MMP2: variants seen among roughly 807,000 people sequenced by gnomAD.
MMP2 encodes the protein matrix metallopeptidase 2, also known as 72 kDa type IV collagenase.
MMP2 carries 39 observed loss-of-function variants against 74.8 expected under a neutral mutation model. The ratio of observed to expected loss-of-function variants is 0.52; its 90% CI spans 0.40 to 0.68. The LOEUF is 0.68. Among genes scored for constraint, MMP2 ranks in the 30% least tolerant of loss-of-function variants. MMP2 has a pLI of 0.00. For synonymous variants in MMP2, 367 were observed against 339.8 expected, an observed-to-expected ratio of 1.08 and a Z score of -0.88; for missense variants, 803 against 878.3, an observed-to-expected ratio of 0.91 and a Z score of 1.08.
At position 55,491,851 on chromosome 16, in the gene MMP2, C is replaced by T. The variant is rs1962413262; in HGVS notation, c.1231C>T (p.Leu411=). The change falls in exon 8 of 13, where the codon CTG becomes TTG. Residue 411 remains leucine, a synonymous_variant. Coordinates refer to ENST00000219070, the MANE Select transcript of MMP2 (RefSeq NM_004530.6). ...AAHEFGHAMG[L]EHSQDPGALM... ...CCACGAGTTTGGCCACGCCATGGGG[C>T]TGGAGCACTCCCAAGACCCTGGGGC... is the stretch of plus-strand genomic sequence containing the variant. 6.2e-7 allele frequency: 1 copy of T among 1,614,210 alleles called. No individual in the cohort carries two copies. The highest frequency in any genetic ancestry group is 8.5e-7 in the Non-Finnish European group (1 of 1,180,036).
rs186685774 is a variant in MMP2 at position 55,503,852 on chromosome 16, C to T, written c.1879+964C>T. On this transcript the variant is annotated intron_variant, in intron 12 of 12. Coordinates refer to ENST00000219070, the MANE Select transcript of MMP2 (RefSeq NM_004530.6). ...CTTCTCACCTTCAGATAATTATTGG[C>T]GGGCAAGATTAGGGGCCTAGGCAGC... is the stretch of plus-strand genomic sequence containing the variant. Among the ~76,000 whole-genome samples the T allele has an allele frequency of 1.1e-4, 16 of 152,148 alleles. No homozygotes were observed. In the East Asian group the frequency reaches 2.3e-3, roughly 22 times the overall value.
At chr16:55,479,794 T>C (rs1281231494) in intron 1 of MMP2, among the ~76,000 whole-genome samples, 162 bp downstream of exon 1, 2 of 151,950 alleles carry the variant, frequency 1.3e-5, no homozygotes, top group Non-Finnish European at 2.9e-5. Flanking sequence ...GAGTGATCTC[T>C]TGCAAACGGT....
intron 1 of MMP2, chr16:55,481,883 G>A (rs1434584291): frequency 2.6e-6 from 2 of 759,194 alleles, no homozygotes; most frequent in Non-Finnish European, 4.9e-6. Flanking sequence ...CACATGGTAA[G>A]TACTCAATAA....
chr16:55,493,807 A>G lies in MMP2; in HGVS notation c.1472+514A>G, dbSNP rs184286009. Among the ~76,000 whole-genome samples the G allele has an allele frequency of 4.0e-4, 61 of 152,346 alleles. 1 individual carries two copies. Among genetic ancestry groups the G allele is most frequent in the African/African-American group, 1.4e-3 (59 of 41,578 alleles). On this transcript the variant is annotated intron_variant, in intron 9 of 12. Coordinates refer to ENST00000219070, the MANE Select transcript of MMP2 (RefSeq NM_004530.6). ...AGAATTGGGAACCATAATTCAGTCT[A>G]CCACAGGCCTTCTAGAATGGCGTTG...
intron 2 of MMP2, among the ~76,000 whole-genome samples, chr16:55,483,660 G>T (rs1283563807): frequency 6.6e-6 from 1 of 152,064 alleles, no homozygotes; most frequent in Non-Finnish European, 1.5e-5. Context: ...TTTGCCCTGT[G>T]CCCCATAATG....
chr16:55,492,099 A>G (rs1180709834), intron 8 of MMP2, 143 bp downstream of exon 8: 7 of 789,140 alleles, frequency 8.9e-6, no homozygotes, highest in Non-Finnish European at 1.4e-5. Flanking sequence ...GGGAGTGTTG[A>G]CCTGGTCTTG....
intron 1 of MMP2, chr16:55,481,978 CGT>C: frequency 1.7e-6 from 1 of 571,630 alleles, no homozygotes. Flanking sequence ...AGGCTAGGAC[CGT>C]TGTCAGAAGA....
At chr16:55,485,145 T>C (rs1280468366) in intron 3 of MMP2, among the ~76,000 whole-genome samples, 154 bp from the exon 4 acceptor site, 1 of 152,076 alleles carries the variant, frequency 6.6e-6, no homozygotes, top group Non-Finnish European at 1.5e-5. Context: ...AGATCTCTAC[T>C]GAGCTCCTGT....
intron 7 of MMP2, 64 bp from the exon 8 acceptor site, chr16:55,491,737 G>C: frequency 3.1e-6 from 5 of 1,590,346 alleles, no homozygotes; most frequent in Non-Finnish European, 4.3e-6. Flanking sequence ...ACTGGGTCAG[G>C]TCTTGACTTC....
intron 9 of MMP2, among the ~76,000 whole-genome samples, chr16:55,494,325 C>T (rs1288350691): frequency 6.6e-6 from 1 of 152,224 alleles, no homozygotes; most frequent in African/African-American, 2.4e-5. Context: ...ATATTCCAAC[C>T]TATCTCCTAG....
rs759171371 is a variant in MMP2 at position 55,489,680 on chromosome 16, G to A, written c.1036G>A (p.Gly346Ser). The A allele has an allele frequency of 1.2e-6, 2 of 1,614,200 alleles. No homozygotes were observed. The highest frequency in any genetic ancestry group is 1.7e-6 in the Non-Finnish European group (2 of 1,180,044). Reference sequence around the variant, plus strand: ...GTCCACTGTTGGTGGGAACTCAGAAGGTGCCCCCTGTGTCTTCCCCTTCAC... The same window carrying A: ...GTCCACTGTTGGTGGGAACTCAGAAAGTGCCCCCTGTGTCTTCCCCTTCAC... Reference protein sequence around the residue: ...AMSTVGGNSEGAPCVFPFTFL... With the variant: ...AMSTVGGNSESAPCVFPFTFL... The change falls in exon 7 of 13, where the codon GGT (glycine) becomes AGT (serine). Residue 346 changes from glycine (G) to serine (S), a missense_variant. By Grantham distance (56) the Gly-to-Ser change is moderately conservative (BLOSUM62 0). This residue lies in a region of MMP2 where 555 missense variants were observed against 592.0 expected (regional missense o/e 0.94). Transcript: ENST00000219070.
At chr16:55,502,999 G>A (rs748986351) in intron 12 of MMP2, 111 bp downstream of exon 12, 21 of 873,942 alleles carry the variant, frequency 2.4e-5, no homozygotes, top group East Asian at 1.3e-4. Flanking sequence ...GGCAGGCGGC[G>A]CCCAGGAAAA....
chr16:55,504,168 A>C (rs1962738502), intron 12 of MMP2, among the ~76,000 whole-genome samples: 1 of 151,930 alleles, frequency 6.6e-6, no homozygotes, highest in Non-Finnish European at 1.5e-5. Flanking sequence ...AAAAAAAAAG[A>C]ATGGGGCCTG....
In MMP2 at chr16:55,479,640, G is replaced by T. The variant is rs1292002211; in HGVS notation, c.153+8G>T. The stretch of plus-strand genomic sequence containing the variant: ...GACAAAGAGTTGGCAGTGGTGAGTT[G>T]CTGCGCTGGCCTCAAGGAACCACGT... On this transcript the variant is annotated splice_region_variant and intron_variant, in intron 1 of 12. Coordinates refer to ENST00000219070, the MANE Select transcript of MMP2 (RefSeq NM_004530.6). 1 of 1,613,588 alleles carries T rather than the reference G, an allele frequency of 6.2e-7. No individual in the cohort carries two copies. Among genetic ancestry groups the T allele is most frequent in the Non-Finnish European group, 8.5e-7 (1 of 1,179,998 alleles).
chr16:55,488,269 G>A (rs1962306825), intron 5 of MMP2: 1 of 499,002 alleles, frequency 2.0e-6, no homozygotes, highest in African/African-American at 1.9e-5. Context: ...GCTGAGGCAG[G>A]GTTCTAGAAG....
In MMP2 at chr16:55,479,613, C is replaced by G; in HGVS notation, c.134C>G (p.Thr45Arg). The change falls in exon 1 of 13, where the codon ACG becomes AGG. Residue 45 changes from threonine to arginine, a missense_variant. This residue lies in a region of MMP2 where 223 missense variants were observed against 232.8 expected (regional missense o/e 0.96). Coordinates refer to ENST00000219070, the MANE Select transcript of MMP2 (RefSeq NM_004530.6). ...TTCCCCGGCGATGTCGCCCCCAAAA[C>G]GGACAAAGAGTTGGCAGTGGTGAGT... is the stretch of plus-strand genomic sequence containing the variant. ...IKFPGDVAPK[T>R]DKELAVQYLN... 1 of 1,613,834 alleles carries G rather than the reference C, an allele frequency of 6.2e-7. No individual in the cohort carries two copies. The highest frequency in any genetic ancestry group is 8.5e-7 in the Non-Finnish European group (1 of 1,180,008).
Position 55,481,132 on chromosome 16 carries a change from TTATTCCA to T in MMP2, c.153+1503_153+1509del, listed in dbSNP as rs578147691. Among the ~76,000 whole-genome samples the T allele has an allele frequency of 3.9e-5, 6 of 152,310 alleles. No individual in the cohort carries two copies. The East Asian group carries it at 1.2e-3, about 29-fold the overall frequency. ...AGAAGGTAAAGGAATAAAAGGGTGA[TTATTCCA>T]TAGACAGAGCAGGGAATGGGCTGCT... is the stretch of plus-strand genomic sequence containing the variant. On this transcript the variant is annotated intron_variant, in intron 1 of 12. Transcript: ENST00000219070.
At chr16:55,486,346 CCTGTGTGTGTGTGT>C (rs1962254447) in intron 5 of MMP2, among the ~76,000 whole-genome samples, 2 of 43,726 alleles carry the variant, frequency 4.6e-5, no homozygotes, top group South Asian at 5.9e-4. Context: ...TGTGTGTGTG[CCTGTGTGTGTGTGT>C]GTGTGTGTGT....
chr16:55,503,235 G>A lies in MMP2; in HGVS notation c.1879+347G>A, dbSNP rs17860011. 4.9e-3 allele frequency among the ~76,000 whole-genome samples: 751 copies of A among 152,314 alleles called. 2 individuals are homozygous for A. Among genetic ancestry groups the A allele is most frequent in the African/African-American group, 0.017 (708 of 41,576 alleles). ...CAGGCCCATTTGCGTTTTGCAGGAG[G>A]CCTGTGACCACCTCCCATTAGCAGA... On this transcript the variant is annotated intron_variant, in intron 12 of 12. Coordinates refer to ENST00000219070, the MANE Select transcript of MMP2 (RefSeq NM_004530.6).
Sources: gnomAD v4.1 joint callset for allele counts (sites outside exome capture counted in the v4.1 genomes callset) on GRCh38, gnomAD v4.1.1 for gene constraint, gnomAD v4.1.1 regional missense constraint, MANE v1.5 for transcripts, NCBI Gene and HGNC (gene_info 2026-07-23, HGNC 2026-07-21) for gene names.